The following TAF11L12 variants were observed in gnomAD, a reference collection of about 807,000 sequenced individuals.
TAF11L12 encodes the protein TATA-box-binding protein-associated factor 11-like protein 12.
At chr5:17,611,184 T>A in exon 1 of TAF11L12, 1 of 397,812 alleles carries the variant, frequency 2.5e-6, no homozygotes, top group Non-Finnish European at 4.4e-6. Flanking sequence ...CAGCCTCAGC[T>A]CCTCCTGCAG....
chr5:17,611,534 A>C, exon 1 of TAF11L12: 1 of 398,036 alleles, frequency 2.5e-6, no homozygotes, highest in Non-Finnish European at 4.4e-6. Flanking sequence ...CGCAGGTTAA[A>C]GCCCAAGGGC....
At chr5:17,611,334 T>G (rs1739272427) in exon 1 of TAF11L12, 3 of 398,004 alleles carry the variant, frequency 7.5e-6, no homozygotes, top group South Asian at 2.6e-4. Context: ...GCCGGTCAGC[T>G]TTCCCAAAAG....
downstream of TAF11L12, among the ~76,000 whole-genome samples, chr5:17,611,768 C>G (rs558924907): frequency 1.6e-4 from 24 of 151,584 alleles, no homozygotes; most frequent in South Asian, 6.2e-4. Context: ...TTCACAGTAG[C>G]CTTGGCTAAA....
At chr5:17,611,977 G>T (rs1011080929), downstream of TAF11L12, among the ~76,000 whole-genome samples, 1 of 151,440 alleles carries the variant, frequency 6.6e-6, no homozygotes, top group African/African-American at 2.4e-5. Context: ...CTGGGTTTCA[G>T]TAAGCGAAGC....
the TAF11L12 span, chr5:17,611,565 T>A: frequency 1.3e-5 from 5 of 397,786 alleles, 1 homozygote; most frequent in East Asian, 3.6e-5. Flanking sequence ...ACAGCAACTA[T>A]AAAAAAATCA....
chr5:17,611,282 A>G, exon 1 of TAF11L12: 1 of 398,130 alleles, frequency 2.5e-6, no homozygotes, highest in Non-Finnish European at 4.4e-6. Context: ...ACCCTGCTGT[A>G]TGCCATGTCT....
chr5:17,611,702 A>G (rs573768805), downstream of TAF11L12: 22 of 394,962 alleles, frequency 5.6e-5, no homozygotes, highest in African/African-American at 4.1e-4. Context: ...TTCACCCACA[A>G]TCTTAGTGTC....
At chr5:17,611,613 T>A (rs894484940), downstream of TAF11L12, 2 of 397,930 alleles carry the variant, frequency 5.0e-6, no homozygotes, top group Admixed American at 8.8e-5. Context: ...GGTCTGTTTG[T>A]GCAGGAATAA....
At chr5:17,610,779 T>G in exon 1 of TAF11L12, 1 of 382,792 alleles carries the variant, frequency 2.6e-6, no homozygotes, top group Non-Finnish European at 4.6e-6. Flanking sequence ...ACAAGTTTCT[T>G]CACATTGTGG....
chr5:17,611,828 T>C (rs1346961409), downstream of TAF11L12, among the ~76,000 whole-genome samples: 1 of 151,288 alleles, frequency 6.6e-6, no homozygotes, highest in Non-Finnish European at 1.5e-5. Flanking sequence ...GTCTTTCTAG[T>C]TGGAAGAATA....
exon 1 of TAF11L12, chr5:17,610,782 C>T (rs1208754277): frequency 5.2e-6 from 2 of 383,510 alleles, no homozygotes; most frequent in African/African-American, 2.1e-5. Context: ...AGTTTCTTCA[C>T]ATTGTGGAAG....
downstream of TAF11L12, among the ~76,000 whole-genome samples, chr5:17,612,048 T>G (rs909879970): frequency 1.3e-5 from 2 of 151,552 alleles, no homozygotes; most frequent in Admixed American, 1.3e-4. Context: ...ATGTATTTGT[T>G]TTAGTCATCA....
At chr5:17,611,844 G>A (rs1479598690), downstream of TAF11L12, among the ~76,000 whole-genome samples, 2 of 151,414 alleles carry the variant, frequency 1.3e-5, no homozygotes, top group South Asian at 4.2e-4. Flanking sequence ...GAATAAAGGT[G>A]CCTGGGCCTT....
downstream of TAF11L12, among the ~76,000 whole-genome samples, chr5:17,612,046 G>T (rs984613184): frequency 2.0e-5 from 3 of 151,422 alleles, no homozygotes; most frequent in South Asian, 2.1e-4. Flanking sequence ...ATATGTATTT[G>T]TTTTAGTCAT....
downstream of TAF11L12, among the ~76,000 whole-genome samples, chr5:17,611,817 T>C (rs1739281774): frequency 6.6e-6 from 1 of 151,404 alleles, no homozygotes; most frequent in Non-Finnish European, 1.5e-5. Flanking sequence ...CATTTTTCTC[T>C]GTCTTTCTAG....
chr5:17,610,814 T>C (rs996226865), exon 1 of TAF11L12: 1 of 390,318 alleles, frequency 2.6e-6, no homozygotes, highest in African/African-American at 2.1e-5. Context: ...AGTGTGTGTG[T>C]TTGCATGTGG....
chr5:17,611,288 T>C (rs1438921107), exon 1 of TAF11L12: 1 of 398,110 alleles, frequency 2.5e-6, no homozygotes, highest in Non-Finnish European at 4.4e-6. Context: ...CTGTATGCCA[T>C]GTCTGAGGAG....
At chr5:17,610,890 A>G (rs1739262370) in exon 1 of TAF11L12, 1 of 396,188 alleles carries the variant, frequency 2.5e-6, no homozygotes. Context: ...CAGCAGCTCA[A>G]CTCTTTGAAA....
exon 1 of TAF11L12, chr5:17,611,505 G>A (rs1027957015): frequency 5.0e-6 from 2 of 397,860 alleles, no homozygotes; most frequent in East Asian, 3.6e-5. Flanking sequence ...TGCAGCCCAA[G>A]CATTTAAGGG....
Sources: allele counts gnomAD v4.1 joint callset (sites outside exome capture counted in the v4.1 genomes callset), GRCh38; gene constraint gnomAD v4.1.1; transcripts MANE v1.5; gene names NCBI Gene and HGNC (gene_info 2026-07-23, HGNC 2026-07-21).